The following EFCAB8 variants were observed in gnomAD, a reference collection of about 807,000 sequenced individuals.
The protein encoded by EFCAB8 is EF-hand calcium-binding domain-containing protein 8.
Under a neutral mutation model 116.3 loss-of-function variants are expected in EFCAB8, and 100 were observed. The observed-to-expected ratio is 0.86, with a 90% CI of 0.73 to 1.02. The LOEUF (loss-of-function observed/expected upper bound fraction) is 1.02. EFCAB8 is among the 50% of genes least tolerant of loss of function. The pLI is 0.00. For synonymous variants in EFCAB8, 558 were observed against 567.9 expected, an observed-to-expected ratio of 0.98 and a Z score of 0.25; for missense variants, 1,320 against 1,416.9, an observed-to-expected ratio of 0.93 and a Z score of 1.10.
At chr20:32,940,057 C>G (rs534049179) in intron 22 of EFCAB8, among the ~76,000 whole-genome samples, 5 of 104,512 alleles carry the variant, frequency 4.8e-5, no homozygotes, top group Non-Finnish European at 8.8e-5. Flanking sequence ...TCCTTCCTTC[C>G]TTCCTTCCTT....
intron 19 of EFCAB8, among the ~76,000 whole-genome samples, chr20:32,919,679 A>ATT (rs1422386182): frequency 6.6e-6 from 1 of 151,874 alleles, no homozygotes; most frequent in Admixed American, 6.6e-5. Context: ...TTGTATTTTT[A>ATT]TTGGAGACGG....
At chr20:32,874,051 G>T (rs1050269892) in intron 3 of EFCAB8, among the ~76,000 whole-genome samples, 2 of 151,848 alleles carry the variant, frequency 1.3e-5, no homozygotes, top group Non-Finnish European at 2.9e-5. Flanking sequence ...CTCCCCAGTA[G>T]TTGGGACTAC....
intron 22 of EFCAB8, among the ~76,000 whole-genome samples, chr20:32,935,188 C>CTTTTTTTTTTTTTTTTTTTTT (rs754022404): frequency 5.7e-4 from 38 of 66,906 alleles, no homozygotes; most frequent in African/African-American, 9.3e-4. Context: ...TTCTTTCTTT[C>CTTTTTTTTTTTTTTTTTTTTT]TTTCTTTTTT....
At chr20:32,939,791 T>C (rs1255518272) in intron 22 of EFCAB8, among the ~76,000 whole-genome samples, 1 of 147,178 alleles carries the variant, frequency 6.8e-6, no homozygotes, top group Non-Finnish European at 1.5e-5. Flanking sequence ...GCCTCCCAGA[T>C]TCAAGCGATT....
chr20:32,859,842 T>G (rs1035449746), intron 1 of EFCAB8, among the ~76,000 whole-genome samples: 5 of 152,204 alleles, frequency 3.3e-5, no homozygotes, highest in African/African-American at 1.2e-4. Context: ...TCTAATAATA[T>G]AGAGTCCATG....
In EFCAB8 at chr20:32,868,299, C is replaced by T. The variant is rs146579970; in HGVS notation, c.208+552C>T. Among the ~76,000 whole-genome samples, 1,501 of 152,232 alleles carry T rather than the reference C, an allele frequency of 9.9e-3. 27 individuals are homozygous for T. Among genetic ancestry groups the T allele is most frequent in the African/African-American group, 0.034 (1,421 of 41,538 alleles). On this transcript the variant is annotated intron_variant, in intron 3 of 26. Transcript: ENST00000400522. ...CTGGTCTCAAACTCCTGGGCTCAAG[C>T]AGCGCCTTCTGCCTTGGCCTCCCAA...
At chr20:32,882,547 G>T (rs778857874) in intron 5 of EFCAB8, among the ~76,000 whole-genome samples, 69 of 152,134 alleles carry the variant, frequency 4.5e-4, no homozygotes, top group African/African-American at 1.4e-3. Flanking sequence ...TTGAGACAAG[G>T]TCTTGCTCTG....
chr20:32,924,555 G>A (rs1987598010), intron 20 of EFCAB8, among the ~76,000 whole-genome samples: 1 of 152,184 alleles, frequency 6.6e-6, no homozygotes, highest in Non-Finnish European at 1.5e-5. Context: ...GGCCCAATGA[G>A]GTGAAGTGAC....
intron 7 of EFCAB8, among the ~76,000 whole-genome samples, chr20:32,891,180 G>A (rs1179177036): frequency 1.3e-5 from 2 of 152,138 alleles, no homozygotes; most frequent in African/African-American, 2.4e-5. Context: ...CACAATCTCG[G>A]CTCACTGCAA....
chr20:32,889,875 G>A (rs756628889), intron 7 of EFCAB8, among the ~76,000 whole-genome samples: 2 of 151,962 alleles, frequency 1.3e-5, no homozygotes, highest in African/African-American at 4.8e-5. Flanking sequence ...GGTGGCACAC[G>A]CCTGTAATCC....
At chr20:32,954,564 G>A (rs996695074) in intron 23 of EFCAB8, among the ~76,000 whole-genome samples, 11 of 152,146 alleles carry the variant, frequency 7.2e-5, no homozygotes, top group Admixed American at 4.6e-4. Flanking sequence ...GCAAGTAGAT[G>A]TTTTTGTTCT....
intron 11 of EFCAB8, 71 bp downstream of exon 11, chr20:32,898,694 G>A: frequency 1.4e-6 from 1 of 691,130 alleles, no homozygotes; most frequent in Non-Finnish European, 2.7e-6. Flanking sequence ...GGACCATGGG[G>A]GCTGACAGTG....
At chr20:32,894,813 A>G (rs1270746416) in intron 9 of EFCAB8, among the ~76,000 whole-genome samples, 1 of 152,238 alleles carries the variant, frequency 6.6e-6, no homozygotes, top group Middle Eastern at 3.2e-3. Flanking sequence ...CCTCCCTCAC[A>G]GCCTAGTAGG....
chr20:32,933,634 C>T (rs1021931785), intron 22 of EFCAB8, among the ~76,000 whole-genome samples: 1 of 152,164 alleles, frequency 6.6e-6, no homozygotes, highest in Non-Finnish European at 1.5e-5. Context: ...ATTCCCCACC[C>T]CACCCTCTAA....
intron 5 of EFCAB8, 63 bp downstream of exon 5, chr20:32,878,870 G>A: frequency 2.9e-6 from 4 of 1,380,632 alleles, no homozygotes; most frequent in Admixed American, 2.0e-5. Flanking sequence ...GTGCCAGCCT[G>A]CAGTGAGCCC....
chr20:32,950,037 C>A (rs918169093), intron 23 of EFCAB8, among the ~76,000 whole-genome samples: 2 of 144,514 alleles, frequency 1.4e-5, no homozygotes, highest in Non-Finnish European at 3.1e-5. Flanking sequence ...ACAACAACAA[C>A]AAAAATGGAA....
At chr20:32,903,977 G>A (rs1986550518) in intron 11 of EFCAB8, among the ~76,000 whole-genome samples, 4 of 152,168 alleles carry the variant, frequency 2.6e-5, no homozygotes, top group African/African-American at 9.7e-5. Context: ...GTGTCAGGGG[G>A]TCGGGTGCCC....
chr20:32,903,101 T>C (rs1346089806), intron 11 of EFCAB8, among the ~76,000 whole-genome samples: 1 of 152,222 alleles, frequency 6.6e-6, no homozygotes, highest in Non-Finnish European at 1.5e-5. Context: ...GGGCCCTGTA[T>C]GGAGCCTTCA....
chr20:32,883,622 A>G (rs1175537742), intron 5 of EFCAB8, among the ~76,000 whole-genome samples: 3 of 152,190 alleles, frequency 2.0e-5, no homozygotes, highest in African/African-American at 7.2e-5. Flanking sequence ...AACATGAAGT[A>G]TGTTCAAATA....
Sources: allele counts gnomAD v4.1 joint callset (sites outside exome capture counted in the v4.1 genomes callset), GRCh38; gene constraint gnomAD v4.1.1; transcripts MANE v1.5; gene names NCBI Gene and HGNC (gene_info 2026-07-23, HGNC 2026-07-21).